The following PKN2 variants were observed in gnomAD, a reference collection of about 807,000 sequenced individuals.
PKN2 encodes serine/threonine-protein kinase N2.
Under a neutral mutation model 119.1 loss-of-function variants are expected in PKN2, and 38 were observed. That is an observed-to-expected ratio of 0.32 (90% CI 0.25 to 0.42). The LOEUF is 0.42. PKN2 is among the 10% of genes least tolerant of loss of function. The probability of loss-of-function intolerance (pLI) is 1.00; values close to 1 mark genes in which losing one functional copy is unlikely to be tolerated. For missense variants in PKN2, 850 were observed against 1,165.1 expected, an observed-to-expected ratio of 0.73 and a Z score of 3.94; for synonymous variants, 390 against 384.9, an observed-to-expected ratio of 1.01 and a Z score of -0.15.
intron 3 of PKN2, among the ~76,000 whole-genome samples, chr1:88,766,390 G>C (rs1368999559): frequency 6.6e-6 from 1 of 152,260 alleles, no homozygotes; most frequent in Non-Finnish European, 1.5e-5. Flanking sequence ...AAAGTTTTCT[G>C]TGTGATGTAA....
Position 88,741,087 on chromosome 1 carries a change from G to A in PKN2, c.148G>A (p.Asp50Asn). ...GCAGCAGAAATTGGATGATATCAAG[G>A]ATCGAATTAAGAGAGAAATAAGGAA... ...MVQQKLDDIKDRIKREIRKEL... is the reference protein window; with the variant it reads ...MVQQKLDDIKNRIKREIRKEL... Residue 50 changes from aspartate (D) to asparagine (N), a missense_variant, in exon 2 of 22, where the codon GAT becomes AAT. Transcript: ENST00000370521. The A allele has an allele frequency of 1.9e-6, 3 of 1,611,040 alleles. No homozygotes were observed. The highest frequency in any genetic ancestry group is 2.5e-6 in the Non-Finnish European group (3 of 1,178,580).
chr1:88,723,293 A>G (rs957722045), intron 1 of PKN2, among the ~76,000 whole-genome samples: 3 of 151,650 alleles, frequency 2.0e-5, no homozygotes, highest in South Asian at 2.1e-4. Context: ...TTATATTTTC[A>G]GTAGAGACGG....
chr1:88,691,741 C>T (rs1427820134), intron 1 of PKN2, among the ~76,000 whole-genome samples: 2 of 152,134 alleles, frequency 1.3e-5, no homozygotes, highest in Non-Finnish European at 2.9e-5. Flanking sequence ...TCCTTATCCA[C>T]GGTTTCAGTT....
At position 88,820,208 on chromosome 1, in the gene PKN2, AT is replaced by A. The variant is rs1557634865; in HGVS notation, c.2280-1732del. Reference sequence around the variant, plus strand: ...TATATATATATATATATATATATATATATATATATATATATATATATATATA... The same window carrying A: ...TATATATATATATATATATATATATAATATATATATATATATATATATATA... On this transcript the variant is annotated intron_variant, in intron 16 of 21. Transcript: ENST00000370521. 7.7e-3 allele frequency among the ~76,000 whole-genome samples: 868 copies of A among 113,284 alleles called. 59 individuals carry two copies. The highest frequency in any genetic ancestry group is 0.06 in the Admixed American group (742 of 12,276). The allele number at this position is 113,284 out of a possible 152,430, so 74.3% of individuals were successfully genotyped here.
intron 6 of PKN2, among the ~76,000 whole-genome samples, chr1:88,781,497 AT>A (rs1301825002): frequency 1.4e-4 from 21 of 152,114 alleles, no homozygotes; most frequent in African/African-American, 5.1e-4. Context: ...ATTCATAGTT[AT>A]TACTTCTGAA....
intron 15 of PKN2, among the ~76,000 whole-genome samples, chr1:88,812,964 C>G (rs1261590295): frequency 6.6e-6 from 1 of 152,106 alleles, no homozygotes; most frequent in Non-Finnish European, 1.5e-5. Flanking sequence ...AAAATAAAAA[C>G]TGTTAACTTT....
At chr1:88,748,302 C>T (rs1234682953) in intron 2 of PKN2, among the ~76,000 whole-genome samples, 1 of 152,140 alleles carries the variant, frequency 6.6e-6, no homozygotes, top group Non-Finnish European at 1.5e-5. Context: ...TGTTCTGTCA[C>T]TATAGTTCTC....
chr1:88,821,849 A>G, intron 16 of PKN2, 92 bp from the exon 17 acceptor site: 3 of 944,282 alleles, frequency 3.2e-6, no homozygotes, highest in Non-Finnish European at 4.5e-6. Context: ...AAATAAATTA[A>G]TGATAGGTCT....
At chr1:88,827,465 T>C (rs1277487293) in intron 18 of PKN2, among the ~76,000 whole-genome samples, 1 of 151,940 alleles carries the variant, frequency 6.6e-6, no homozygotes, top group African/African-American at 2.4e-5. Flanking sequence ...ATAATATTTT[T>C]AATAATTTTG....
At position 88,740,982 on chromosome 1, in the gene PKN2, C is replaced by A; in HGVS notation, c.49-6C>A. 6.5e-7 allele frequency: 1 copy of A among 1,543,860 alleles called. No individual in the cohort carries two copies. Among genetic ancestry groups the A allele is most frequent in the Non-Finnish European group, 8.7e-7 (1 of 1,151,418 alleles). On this transcript the variant is annotated splice_polypyrimidine_tract_variant and splice_region_variant and intron_variant, in intron 1 of 21. Coordinates refer to ENST00000370521, the MANE Select transcript of PKN2 (RefSeq NM_006256.4). ...TCCCACATTTGTATGTTTATTTTTT[C>A]TGTAGGGGGATTCCCGAAGTCTTCC... is the stretch of plus-strand genomic sequence containing the variant.
intron 2 of PKN2, among the ~76,000 whole-genome samples, chr1:88,748,857 C>T (rs1024383046): frequency 6.6e-6 from 1 of 152,056 alleles, no homozygotes; most frequent in African/African-American, 2.4e-5. Context: ...ATTACTTGAG[C>T]CTGAGAGTTT....
chr1:88,689,457 A>T (rs1219059606), intron 1 of PKN2, among the ~76,000 whole-genome samples: 5 of 152,190 alleles, frequency 3.3e-5, no homozygotes, highest in Non-Finnish European at 7.3e-5. Flanking sequence ...GGATCTAATT[A>T]GCTTTTATTG....
chr1:88,804,477 C>T lies in PKN2; in HGVS notation c.1368C>T (p.Asp456=), dbSNP rs749522316. ...VKFLRLEDFL[D]NQRHGMCLYL... ...TTCTGAGGTTAGAAGATTTTTTAGACAACCAACGGCATGGCATGTGTCTCT... is the reference window on the plus strand; with the variant it reads ...TTCTGAGGTTAGAAGATTTTTTAGATAACCAACGGCATGGCATGTGTCTCT... The change falls in exon 9 of 22, where the codon GAC becomes GAT. Residue 456 remains aspartate, a synonymous_variant. Coordinates refer to ENST00000370521, the MANE Select transcript of PKN2 (RefSeq NM_006256.4). 5 of 1,613,522 alleles carry T rather than the reference C, an allele frequency of 3.1e-6. No homozygotes were observed. Among genetic ancestry groups the T allele is most frequent in the East Asian group, 4.5e-5 (2 of 44,842 alleles).
At chr1:88,820,149 GTAAA>G (rs1412850493) in intron 16 of PKN2, among the ~76,000 whole-genome samples, 14 of 115,162 alleles carry the variant, frequency 1.2e-4, no homozygotes, top group Non-Finnish European at 2.2e-4. Flanking sequence ...TAATTTAAAA[GTAAA>G]TAAATCAAAC....
intron 1 of PKN2, among the ~76,000 whole-genome samples, chr1:88,708,733 A>G (rs916345260): frequency 3.3e-5 from 5 of 150,218 alleles, no homozygotes; most frequent in African/African-American, 9.8e-5. Context: ...CAGTGCTGGC[A>G]TTGCAGGCGT....
intron 6 of PKN2, among the ~76,000 whole-genome samples, chr1:88,774,647 C>CTTTT (rs377672492): frequency 1.9e-4 from 29 of 151,664 alleles, no homozygotes; most frequent in African/African-American, 6.0e-4. Flanking sequence ...AAGTGTTTAT[C>CTTTT]TTTTTTTCTC....
At chr1:88,807,067 G>A (rs527378305) in intron 12 of PKN2, among the ~76,000 whole-genome samples, 174 of 152,128 alleles carry the variant, frequency 1.1e-3, no homozygotes, top group African/African-American at 3.7e-3. Flanking sequence ...GATGGCTCCA[G>A]CTACTCGGGA....
intron 8 of PKN2, among the ~76,000 whole-genome samples, chr1:88,788,331 T>C (rs1056082739): frequency 1.3e-5 from 2 of 152,230 alleles, no homozygotes; most frequent in Non-Finnish European, 2.9e-5. Context: ...ATTTGGATTT[T>C]GCTATTAGAA....
At chr1:88,805,820 T>C in intron 11 of PKN2, 71 bp from the exon 12 acceptor site, 1 of 1,608,706 alleles carries the variant, frequency 6.2e-7, no homozygotes, top group Non-Finnish European at 8.5e-7. Flanking sequence ...AATTGTTTGC[T>C]TTAATTTTAA....
Sources: allele counts gnomAD v4.1 joint callset (sites outside exome capture counted in the v4.1 genomes callset), GRCh38; gene constraint gnomAD v4.1.1; transcripts MANE v1.5; gene names NCBI Gene and HGNC (gene_info 2026-07-23, HGNC 2026-07-21).